The following TBC1D22A variants were observed in gnomAD, a reference collection of about 807,000 sequenced individuals.
TBC1D22A encodes the protein TBC1 domain family member 22A, also known as putative GTPase activator.
A neutral mutation model predicts 60.2 loss-of-function variants in TBC1D22A; 38 were observed. The ratio of observed to expected loss-of-function variants is 0.63; its 90% CI spans 0.49 to 0.83. The LOEUF (loss-of-function observed/expected upper bound fraction) is 0.83. Ranked by LOEUF, TBC1D22A falls within the 40% of genes least tolerant of loss-of-function variation. The pLI, the probability that TBC1D22A is intolerant of heterozygous loss-of-function variation, is 0.00. For missense variants in TBC1D22A, 628 were observed against 701.0 expected (o/e 0.90, Z 1.18); for synonymous variants, 302 against 281.7 (o/e 1.07, Z -0.72).
intron 11 of TBC1D22A, among the ~76,000 whole-genome samples, chr22:47,044,706 A>C (rs1260772133): frequency 2.6e-5 from 4 of 152,252 alleles, no homozygotes; most frequent in African/African-American, 9.6e-5. Context: ...ACTATTCAGC[A>C]GGACGTGGCT....
intron 12 of TBC1D22A, among the ~76,000 whole-genome samples, chr22:47,160,263 C>T (rs1359938518): frequency 2.6e-5 from 4 of 152,332 alleles, no homozygotes; most frequent in African/African-American, 9.6e-5. Flanking sequence ...AGCTGGAGCA[C>T]GTGGTCAGGA....
At chr22:46,826,771 A>T (rs1458888214) in intron 4 of TBC1D22A, among the ~76,000 whole-genome samples, 1 of 152,090 alleles carries the variant, frequency 6.6e-6, no homozygotes, top group African/African-American at 2.4e-5. Context: ...CAGAGGGGTG[A>T]CTGGACAATC....
At chr22:46,813,605 A>G (rs980427625) in intron 4 of TBC1D22A, among the ~76,000 whole-genome samples, 1 of 152,222 alleles carries the variant, frequency 6.6e-6, no homozygotes, top group Non-Finnish European at 1.5e-5. Flanking sequence ...TTCTGCTCCA[A>G]TGGAGAAAGA....
intron 8 of TBC1D22A, among the ~76,000 whole-genome samples, chr22:46,969,981 G>T (rs527534051): frequency 6.6e-6 from 1 of 152,272 alleles, no homozygotes; most frequent in South Asian, 2.1e-4. Flanking sequence ...ACTGTAGAAA[G>T]TCCCCACAGT....
chr22:46,800,276 G>A (rs2084839154), intron 4 of TBC1D22A, among the ~76,000 whole-genome samples: 1 of 152,188 alleles, frequency 6.6e-6, no homozygotes, highest in Non-Finnish European at 1.5e-5. Flanking sequence ...AGCCATGGGT[G>A]AGGCGAGAAG....
chr22:46,888,539 A>G lies in TBC1D22A; in HGVS notation c.709-2727A>G, dbSNP rs187749095. 7.2e-4 allele frequency among the ~76,000 whole-genome samples: 110 copies of G among 152,306 alleles called. 1 individual carries two copies. The highest frequency in any genetic ancestry group is 2.4e-3 in the African/African-American group (100 of 41,582). ...CCTGGTCCTGAGTGAACTTCCTGCT[A>G]GATGCTGCTGGAGTGCCAGGTGACC... On this transcript the variant is annotated intron_variant, in intron 5 of 12. Coordinates refer to ENST00000337137, the MANE Select transcript of TBC1D22A (RefSeq NM_014346.5).
intron 7 of TBC1D22A, among the ~76,000 whole-genome samples, chr22:46,895,246 C>T (rs948434216): frequency 6.6e-6 from 1 of 151,920 alleles, no homozygotes; most frequent in African/African-American, 2.4e-5. Flanking sequence ...CGCTTTCTTG[C>T]CTTTTATGTT....
chr22:47,016,849 G>T (rs2061924601), intron 10 of TBC1D22A, among the ~76,000 whole-genome samples: 1 of 147,528 alleles, frequency 6.8e-6, no homozygotes, highest in South Asian at 2.1e-4. Flanking sequence ...CTGCAGAGCT[G>T]CTGCGTGGCT....
intron 11 of TBC1D22A, among the ~76,000 whole-genome samples, chr22:47,090,271 C>T (rs1222938688): frequency 6.6e-6 from 1 of 152,220 alleles, no homozygotes; most frequent in East Asian, 1.9e-4. Flanking sequence ...CCGGCACACA[C>T]TGAGCTGGGC....
intron 9 of TBC1D22A, among the ~76,000 whole-genome samples, chr22:46,994,475 G>A (rs1275861687): frequency 6.6e-6 from 1 of 152,094 alleles, no homozygotes; most frequent in East Asian, 1.9e-4. Flanking sequence ...CAGCAGCTGC[G>A]CTCCAAGCTG....
At chr22:46,811,359 G>C (rs1034786793) in intron 4 of TBC1D22A, among the ~76,000 whole-genome samples, 2 of 152,244 alleles carry the variant, frequency 1.3e-5, no homozygotes, top group Non-Finnish European at 1.5e-5. Flanking sequence ...GGTGCCTGCT[G>C]TGCCAGGCCC....
intron 9 of TBC1D22A, 55 bp from the exon 10 acceptor site, chr22:46,997,579 G>T: frequency 6.9e-7 from 1 of 1,456,714 alleles, no homozygotes; most frequent in Non-Finnish European, 9.6e-7. Context: ...TTTCCCTTTT[G>T]GAAAGTTTGT....
chr22:47,075,297 G>A (rs116062152), intron 11 of TBC1D22A, among the ~76,000 whole-genome samples: 1,708 of 151,720 alleles, frequency 0.011, 30 homozygotes, highest in African/African-American at 0.04. Context: ...TGCTTCTTGT[G>A]TGTGTTGGGG....
At chr22:46,883,785 C>T (rs1363723536) in intron 5 of TBC1D22A, among the ~76,000 whole-genome samples, 3 of 152,226 alleles carry the variant, frequency 2.0e-5, no homozygotes, top group Non-Finnish European at 4.4e-5. Context: ...TCACACCCAT[C>T]ATTGGCCAGG....
chr22:46,970,695 A>G (rs1346130190), intron 8 of TBC1D22A, among the ~76,000 whole-genome samples: 2 of 152,122 alleles, frequency 1.3e-5, no homozygotes, highest in African/African-American at 4.8e-5. Flanking sequence ...CTTGGGTTAA[A>G]ATCTGTCATG....
At chr22:46,908,198 A>G (rs1167423948) in intron 7 of TBC1D22A, among the ~76,000 whole-genome samples, 1 of 152,182 alleles carries the variant, frequency 6.6e-6, no homozygotes, top group Non-Finnish European at 1.5e-5. Flanking sequence ...GTCACTGCGG[A>G]CCAGGCACAA....
chr22:46,996,659 C>T (rs1226442645), intron 9 of TBC1D22A, among the ~76,000 whole-genome samples: 2 of 152,326 alleles, frequency 1.3e-5, no homozygotes, highest in Admixed American at 1.3e-4. Context: ...GGTTGAAACC[C>T]TCCTTCTGAA....
chr22:46,920,059 G>GTATT (rs2070652380), intron 8 of TBC1D22A, among the ~76,000 whole-genome samples: 1 of 148,044 alleles, frequency 6.8e-6, no homozygotes, highest in African/African-American at 2.6e-5. Flanking sequence ...GTGTTTGTTT[G>GTATT]TATGTATGTA....
chr22:46,849,758 G>A (rs914376766), intron 4 of TBC1D22A, among the ~76,000 whole-genome samples: 2 of 152,132 alleles, frequency 1.3e-5, no homozygotes. Context: ...ATGAGGTGCC[G>A]GATACAAGTG....
Sources: allele counts gnomAD v4.1 joint callset (sites outside exome capture counted in the v4.1 genomes callset), GRCh38; gene constraint gnomAD v4.1.1; transcripts MANE v1.5; gene names NCBI Gene and HGNC (gene_info 2026-07-23, HGNC 2026-07-21).